The following FMO1 variants were observed in gnomAD, a reference collection of about 807,000 sequenced individuals.
FMO1 encodes the protein flavin containing dimethylaniline monoxygenase 1.
In FMO1, 36 loss-of-function variants were observed where a neutral mutation model predicts 45.4. The observed-to-expected ratio is 0.79, with a 90% confidence interval of 0.61 to 1.05. The LOEUF is 1.05. FMO1 is among the 50% of genes least tolerant of loss of function. FMO1 has a pLI of 0.00. For missense variants in FMO1, 615 were observed against 640.3 expected (o/e 0.96, Z 0.43); for synonymous variants, 228 against 227.2 (o/e 1.00, Z -0.03).
At chr1:171,253,088 C>G (rs1571322709) in intron 1 of FMO1, among the ~76,000 whole-genome samples, 1 of 152,164 alleles carries the variant, frequency 6.6e-6, no homozygotes, top group Non-Finnish European at 1.5e-5. Flanking sequence ...CCAAGCAGAT[C>G]TGAACTGAAA....
At chr1:171,267,811 T>G in intron 3 of FMO1, 80 bp downstream of exon 3, 1 of 1,087,204 alleles carries the variant, frequency 9.2e-7, no homozygotes, top group Non-Finnish European at 1.3e-6. Flanking sequence ...AGCCCTGGGC[T>G]CTGTAGATGA....
chr1:171,270,965 C>T, intron 3 of FMO1: 1 of 879,686 alleles, frequency 1.1e-6, no homozygotes. Flanking sequence ...TCATCATCTT[C>T]TTCATCTTCA....
At chr1:171,256,891 A>T (rs1175831550) in intron 1 of FMO1, among the ~76,000 whole-genome samples, 1 of 152,200 alleles carries the variant, frequency 6.6e-6, no homozygotes, top group African/African-American at 2.4e-5. Flanking sequence ...CTGTCACAAA[A>T]ATATATTGGG....
At chr1:171,282,658 G>T (rs1044978943) in intron 7 of FMO1, 1 of 247,622 alleles carries the variant, frequency 4.0e-6, no homozygotes, top group African/African-American at 2.3e-5. Flanking sequence ...CCAGACTAGT[G>T]TGCAGTGGCT....
chr1:171,264,265 A>T (rs1660506051), intron 2 of FMO1, among the ~76,000 whole-genome samples: 1 of 151,390 alleles, frequency 6.6e-6, no homozygotes, highest in African/African-American at 2.4e-5. Flanking sequence ...GTTCCAATGA[A>T]TTGCTGATAT....
chr1:171,271,295 G>C (rs1255213396), intron 3 of FMO1: 1 of 1,313,864 alleles, frequency 7.6e-7, no homozygotes, highest in African/African-American at 1.5e-5. Context: ...AAGGCTGAAG[G>C]AGGCCTCTTG....
chr1:171,272,084 T>C (rs1660894863), intron 3 of FMO1, among the ~76,000 whole-genome samples: 1 of 152,238 alleles, frequency 6.6e-6, no homozygotes, highest in Non-Finnish European at 1.5e-5. Flanking sequence ...AGAGCCCCCA[T>C]GCTGTGTGCA....
chr1:171,249,255 G>C (rs1410286122), intron 1 of FMO1, among the ~76,000 whole-genome samples: 1 of 152,022 alleles, frequency 6.6e-6, no homozygotes, highest in Non-Finnish European at 1.5e-5. Flanking sequence ...AAACATCAAG[G>C]GTTTGAAAAT....
intron 4 of FMO1, 94 bp downstream of exon 4, chr1:171,275,602 T>C: frequency 2.2e-6 from 2 of 899,340 alleles, no homozygotes; most frequent in Non-Finnish European, 1.7e-6. Flanking sequence ...GCTGTTCCAT[T>C]AAATAGTTAA....
At chr1:171,275,989 A>G (rs1241098948) in intron 4 of FMO1, among the ~76,000 whole-genome samples, 1 of 152,218 alleles carries the variant, frequency 6.6e-6, no homozygotes, top group African/African-American at 2.4e-5. Context: ...GTCAATAGTC[A>G]AGAGGGAGAT....
In FMO1 at chr1:171,258,169, C is replaced by T; in HGVS notation, c.82C>T (p.Pro28Ser). The T allele has an allele frequency of 6.2e-7, 1 of 1,614,124 alleles. No homozygotes were observed. Among genetic ancestry groups the T allele is most frequent in the South Asian group, 1.1e-5 (1 of 91,084 alleles). ...IKCCLEEGLE[P>S]TCFERSDDLG... ...GTGCTGTCTGGAAGAAGGACTGGAG[C>T]CCACCTGCTTTGAGAGGAGCGATGA... Residue 28 changes from proline (P) to serine (S), a missense_variant, in exon 2 of 9, where the codon CCC becomes TCC. Transcript: ENST00000617670.
At chr1:171,270,528 T>G in intron 3 of FMO1, 1 of 971,434 alleles carries the variant, frequency 1.0e-6, no homozygotes, top group Non-Finnish European at 1.2e-6. Flanking sequence ...TTAGAAGCAT[T>G]CAGAATGTAA....
Position 171,285,504 on chromosome 1 carries a change from T to G in FMO1, c.1559T>G (p.Phe520Cys), listed in dbSNP as rs747302378. ...PFESFLKVFS[F>C]LALLVAIFLI... ...GAAAGTTTTCTTAAAGTCTTTAGCT[T>G]TCTGGCTTTGCTTGTGGCTATTTTT... The change falls in exon 9 of 9, where the codon TTT becomes TGT. Residue 520 changes from phenylalanine (F) to cysteine (C), a missense_variant. Phe to Cys is a radical substitution (Grantham distance 205, BLOSUM62 -2). Transcript: ENST00000617670. 2 of 1,515,822 alleles carry G rather than the reference T, an allele frequency of 1.3e-6. No individual in the cohort carries two copies. Among genetic ancestry groups the G allele is most frequent in the South Asian group, 1.4e-5 (1 of 73,812 alleles). The allele number at this position is 1,515,822 out of a possible 1,614,324, so 93.9% of individuals were successfully genotyped here.
At chr1:171,267,501 G>C in intron 2 of FMO1, 42 bp from the exon 3 acceptor site, 3 of 1,463,342 alleles carry the variant, frequency 2.1e-6, no homozygotes, top group Non-Finnish European at 2.8e-6. Flanking sequence ...GCTTATTTAT[G>C]AGCATGCAAT....
chr1:171,282,024 A>G lies in FMO1; in HGVS notation c.874A>G (p.Ile292Val). ...GCTAAATGATGAGCTCCCAGGACGCATCATCACTGGGAAAGTGTTCATCAG... is the reference window on the plus strand; with the variant it reads ...GCTAAATGATGAGCTCCCAGGACGCGTCATCACTGGGAAAGTGTTCATCAG... ...FVLNDELPGR[I>V]ITGKVFIRPS... The change falls in exon 7 of 9, where the codon ATC (isoleucine) becomes GTC (valine). Residue 292 changes from isoleucine (I) to valine (V), a missense_variant. Ile to Val is a conservative substitution (Grantham distance 29, BLOSUM62 3). Coordinates refer to ENST00000617670, the MANE Select transcript of FMO1 (RefSeq NM_001282693.2). The G allele has an allele frequency of 6.2e-7, 1 of 1,613,334 alleles. No individual in the cohort carries two copies. The highest frequency in any genetic ancestry group is 8.5e-7 in the Non-Finnish European group (1 of 1,179,778).
At chr1:171,256,107 A>G (rs1461898024) in intron 1 of FMO1, among the ~76,000 whole-genome samples, 1 of 151,948 alleles carries the variant, frequency 6.6e-6, no homozygotes, top group Non-Finnish European at 1.5e-5. Context: ...CCCCGTCTCT[A>G]CTAAAAATAC....
At chr1:171,265,627 C>T (rs867229551) in intron 2 of FMO1, among the ~76,000 whole-genome samples, 32 of 152,156 alleles carry the variant, frequency 2.1e-4, no homozygotes, top group African/African-American at 7.0e-4. Flanking sequence ...GTCATCATTA[C>T]CTTTGTAACT....
chr1:171,270,666 A>G (rs868450613), intron 3 of FMO1: 2 of 1,015,710 alleles, frequency 2.0e-6, no homozygotes, highest in African/African-American at 1.7e-5. Context: ...CCCATATATA[A>G]CTAATTTGTG....
intron 1 of FMO1, among the ~76,000 whole-genome samples, chr1:171,253,635 C>T (rs1660004823): frequency 6.6e-6 from 1 of 152,086 alleles, no homozygotes; most frequent in African/African-American, 2.4e-5. Flanking sequence ...GTGGTGTGCA[C>T]TTGTAATCCC....
Sources: gnomAD v4.1 joint callset for allele counts (sites outside exome capture counted in the v4.1 genomes callset) on GRCh38, gnomAD v4.1.1 for gene constraint, MANE v1.5 for transcripts, NCBI Gene and HGNC (gene_info 2026-07-23, HGNC 2026-07-21) for gene names.